ADAMTS20: variants seen among roughly 807,000 people sequenced by gnomAD.
ADAMTS20 encodes A disintegrin and metalloproteinase with thrombospondin motifs 20.
Under a neutral mutation model 260.1 loss-of-function variants are expected in ADAMTS20, and 225 were observed. The ratio of observed to expected loss-of-function variants is 0.87; its 90% CI spans 0.78 to 0.97. ADAMTS20 has a LOEUF of 0.97. Among genes scored for constraint, ADAMTS20 ranks in the 50% least tolerant of loss-of-function variants. ADAMTS20 has a pLI of 0.00. For synonymous variants in ADAMTS20, 802 were observed against 769.5 expected, an observed-to-expected ratio of 1.04 and a Z score of -0.70; for missense variants, 2,400 against 2,337.7, an observed-to-expected ratio of 1.03 and a Z score of -0.55.
intron 11 of ADAMTS20, among the ~76,000 whole-genome samples, chr12:43,462,682 A>G (rs1439206829): frequency 6.6e-6 from 1 of 152,228 alleles, no homozygotes; most frequent in Non-Finnish European, 1.5e-5. Context: ...ACTATACAAA[A>G]CTTTAATATT....
At chr12:43,523,309 G>A (rs955122491) in intron 3 of ADAMTS20, among the ~76,000 whole-genome samples, 1 of 152,212 alleles carries the variant, frequency 6.6e-6, no homozygotes, top group Non-Finnish European at 1.5e-5. Flanking sequence ...CGTGCAGAAC[G>A]GCGGAAGCCA....
At chr12:43,454,202 T>G in intron 11 of ADAMTS20, 150 bp from the exon 12 acceptor site, 1 of 900,806 alleles carries the variant, frequency 1.1e-6, no homozygotes, top group Non-Finnish European at 1.6e-6. Context: ...TGAAATGATT[T>G]TATGAATATT....
intron 14 of ADAMTS20, among the ~76,000 whole-genome samples, chr12:43,451,843 T>A (rs1007956523): frequency 1.8e-4 from 28 of 152,112 alleles, no homozygotes; most frequent in Non-Finnish European, 3.5e-4. Context: ...GTTTGTTGAA[T>A]GTACATAAAA....
At chr12:43,376,931 G>T (rs1940243508) in intron 32 of ADAMTS20, among the ~76,000 whole-genome samples, 1 of 152,216 alleles carries the variant, frequency 6.6e-6, no homozygotes, top group African/African-American at 2.4e-5. Flanking sequence ...ATAAACATTA[G>T]TCAGTGATGG....
chr12:43,499,782 C>G (rs551863041), intron 4 of ADAMTS20, among the ~76,000 whole-genome samples: 1 of 152,032 alleles, frequency 6.6e-6, no homozygotes, highest in East Asian at 1.9e-4. Context: ...GGATTACAGG[C>G]GTGAGCCATG....
chr12:43,371,026 T>G (rs553466132), intron 36 of ADAMTS20, among the ~76,000 whole-genome samples: 1 of 152,340 alleles, frequency 6.6e-6, no homozygotes, highest in Non-Finnish European at 1.5e-5. Context: ...TTCCAATGGT[T>G]CCTATAACTT....
intron 28 of ADAMTS20, among the ~76,000 whole-genome samples, chr12:43,421,458 C>T (rs1228875793): frequency 2.0e-5 from 3 of 152,070 alleles, no homozygotes; most frequent in East Asian, 1.9e-4. Flanking sequence ...GGAATAAAAA[C>T]ATTCCAAGAA....
intron 2 of ADAMTS20, among the ~76,000 whole-genome samples, chr12:43,540,458 T>C (rs1389011258): frequency 1.3e-5 from 2 of 152,246 alleles, no homozygotes; most frequent in African/African-American, 4.8e-5. Flanking sequence ...CTTGTCCTTT[T>C]TATTTATTAA....
In ADAMTS20 at chr12:43,428,806, A is replaced by G. The variant is rs1565693447; in HGVS notation, c.3490-7T>C. On this transcript the variant is annotated splice_region_variant and splice_polypyrimidine_tract_variant and intron_variant, in intron 24 of 38. Coordinates refer to ENST00000389420, the MANE Select transcript of ADAMTS20 (RefSeq NM_025003.5). The stretch of plus-strand genomic sequence containing the variant: ...TTCCACAAGATACGGAGCACTTTTT[A>G]AGAAATCAAATTGTATCCGGGCATT... 6.3e-7 allele frequency: 1 copy of G among 1,598,676 alleles called. No homozygotes were observed.
chr12:43,452,782 C>G, intron 12 of ADAMTS20, 87 bp from the exon 13 acceptor site: 1 of 1,272,360 alleles, frequency 7.9e-7, no homozygotes, highest in Non-Finnish European at 1.1e-6. Flanking sequence ...TTTCCAGGAT[C>G]TAGAAAACCA....
chr12:43,498,821 A>G (rs1942713367), intron 4 of ADAMTS20, among the ~76,000 whole-genome samples: 1 of 152,194 alleles, frequency 6.6e-6, no homozygotes, highest in Non-Finnish European at 1.5e-5. Context: ...ATGAGACTCA[A>G]TACCAAAACT....
rs1260398252 is a variant in ADAMTS20, at chr12:43,515,710, G to A, written c.614-13305C>T. On this transcript the variant is annotated intron_variant, in intron 3 of 38. Transcript: ENST00000389420. ...AATGTTAGAAACAAAAATTCTATGT[G>A]ATATATTAATAGTACTTAATATGTT... is the stretch of plus-strand genomic sequence containing the variant. 2.6e-5 allele frequency among the ~76,000 whole-genome samples: 4 copies of A among 152,066 alleles called. No individual in the cohort carries two copies. The East Asian group carries it at 5.8e-4, about 22-fold the overall frequency.
intron 15 of ADAMTS20, 90 bp from the exon 16 acceptor site, chr12:43,443,973 A>G (rs1941715401): frequency 3.1e-6 from 3 of 954,988 alleles, no homozygotes; most frequent in South Asian, 1.5e-5. Context: ...TTCGAATAGC[A>G]TAGTCAGACT....
intron 15 of ADAMTS20, among the ~76,000 whole-genome samples, chr12:43,444,477 TA>T (rs981127805): frequency 3.3e-5 from 5 of 152,278 alleles, no homozygotes; most frequent in Admixed American, 1.3e-4. Flanking sequence ...AGAATACTAA[TA>T]AACTTGTTAT....
intron 28 of ADAMTS20, among the ~76,000 whole-genome samples, chr12:43,410,062 A>G (rs1941003370): frequency 6.6e-6 from 1 of 152,252 alleles, no homozygotes; most frequent in African/African-American, 2.4e-5. Context: ...GATTGACTAA[A>G]GTCAGTTCCA....
At chr12:43,417,059 C>T (rs11616147) in intron 28 of ADAMTS20, among the ~76,000 whole-genome samples, 3,700 of 152,144 alleles carry the variant, frequency 0.024, 72 homozygotes, top group East Asian at 0.079. Flanking sequence ...ACTGTGAGTC[C>T]TTTGAGGAGA....
rs2137447975 is a variant in ADAMTS20, at chr12:43,502,254, T to C, written c.765A>G (p.Ile255Met). Residue 255 changes from isoleucine to methionine, a missense_variant, in exon 4 of 39, where the codon ATA becomes ATG. Coordinates refer to ENST00000389420, the MANE Select transcript of ADAMTS20 (RefSeq NM_025003.5). ...TAATTTCAATGTATCTTGGATATGA[T>C]ATAAGACGTTTTTTCCTGGAATGTC... ...ERRHSRKKRL[I>M]SYPRYIEIMV... 1 of 1,612,340 alleles carries C rather than the reference T, an allele frequency of 6.2e-7. No homozygotes were observed. Among genetic ancestry groups the C allele is most frequent in the Non-Finnish European group, 8.5e-7 (1 of 1,179,338 alleles).
At chr12:43,539,107 C>T (rs1051215062) in intron 2 of ADAMTS20, among the ~76,000 whole-genome samples, 6 of 151,952 alleles carry the variant, frequency 3.9e-5, no homozygotes, top group African/African-American at 9.7e-5. Flanking sequence ...CACCTGCCAC[C>T]GCGCCCAGGT....
intron 28 of ADAMTS20, among the ~76,000 whole-genome samples, chr12:43,409,274 A>G (rs1181489614): frequency 6.6e-6 from 1 of 152,154 alleles, no homozygotes; most frequent in East Asian, 1.9e-4. Context: ...CATCAAGTAA[A>G]ATCAAAAGAC....
Sources: allele counts gnomAD v4.1 joint callset (sites outside exome capture counted in the v4.1 genomes callset), GRCh38; gene constraint gnomAD v4.1.1; transcripts MANE v1.5; gene names NCBI Gene and HGNC (gene_info 2026-07-23, HGNC 2026-07-21).